The following COL27A1 variants were observed in gnomAD, a reference collection of about 807,000 sequenced individuals.
COL27A1 encodes collagen alpha-1(XXVII) chain.
Under a neutral mutation model 251.3 loss-of-function variants are expected in COL27A1, and 106 were observed. The observed-to-expected ratio is 0.42, with a 90% CI of 0.36 to 0.50. COL27A1 has a LOEUF of 0.50. COL27A1 is among the 20% of genes least tolerant of loss of function. The probability of loss-of-function intolerance (pLI) is 0.00; values close to 1 mark genes in which losing one functional copy is unlikely to be tolerated. For synonymous variants in COL27A1, 1,000 were observed against 986.3 expected, an observed-to-expected ratio of 1.01 and a Z score of -0.26; for missense variants, 2,325 against 2,522.8, an observed-to-expected ratio of 0.92 and a Z score of 1.68.
chr9:114,198,405 A>C (rs1829311396), intron 7 of COL27A1, among the ~76,000 whole-genome samples: 1 of 152,210 alleles, frequency 6.6e-6, no homozygotes, highest in Non-Finnish European at 1.5e-5. Context: ...TGGAGGGTGC[A>C]GTCTACAGCA....
Position 114,168,531 on chromosome 9 carries a change from A to T in COL27A1, c.976A>T (p.Lys326Ter). The T allele has an allele frequency of 6.2e-7, 1 of 1,613,966 alleles. No homozygotes were observed. The highest frequency in any genetic ancestry group is 1.7e-5 in the Admixed American group (1 of 60,022). The change falls in exon 3 of 61, where the codon AAG (lysine) becomes TAG (stop). Residue 326 changes from lysine (K) to a stop codon, truncating the protein, a stop_gained. Coordinates refer to ENST00000356083, the MANE Select transcript of COL27A1 (RefSeq NM_032888.4). LOFTEE classifies it high-confidence loss of function. ...AGCCCAAACCCCGCTGCTACCTGCC[A>T]AGCTGTCAGCCAGTAACGCACTTGA... Reference protein sequence around the residue: ...GPAQTPLLPAKLSASNALDPM... With the variant: ...GPAQTPLLPA
At chr9:114,305,477 G>C (rs1324785213) in intron 57 of COL27A1, among the ~76,000 whole-genome samples, 1 of 152,208 alleles carries the variant, frequency 6.6e-6, no homozygotes, top group East Asian at 1.9e-4. Flanking sequence ...TCCTTAACAT[G>C]ATGAAGGAAA....
chr9:114,194,446 G>C lies in COL27A1; in HGVS notation c.2059G>C (p.Asp687His). The part of the protein sequence containing the change: ...DPGLSPGKAH[D>H]GAKGDMGLPG... ...AGGGCTCTCACCAGGAAAGGCCCAC[G>C]ATGGGGCAAAGGTAGGTTTCCAGGG... Residue 687 changes from aspartate (D) to histidine (H), a missense_variant, in exon 6 of 61, where the codon GAT becomes CAT. Physicochemically the swap from Asp to His is moderately conservative, Grantham distance 81. This residue lies in a region of COL27A1 where 1,183 missense variants were observed against 1,144.1 expected (regional missense o/e 1.03). Coordinates refer to ENST00000356083, the MANE Select transcript of COL27A1 (RefSeq NM_032888.4). The C allele has an allele frequency of 6.2e-7, 1 of 1,612,980 alleles. No individual in the cohort carries two copies. The highest frequency in any genetic ancestry group is 1.3e-5 in the African/African-American group (1 of 75,014).
chr9:114,278,472 G>C (rs1358094480), intron 37 of COL27A1, among the ~76,000 whole-genome samples: 4 of 145,918 alleles, frequency 2.7e-5, no homozygotes, highest in Admixed American at 1.4e-4. Context: ...TGGTGGTGAT[G>C]GTGGTGGTGA....
intron 14 of COL27A1, among the ~76,000 whole-genome samples, chr9:114,227,859 G>A (rs573404340): frequency 2.6e-5 from 4 of 152,272 alleles, no homozygotes; most frequent in East Asian, 1.9e-4. Flanking sequence ...CCTCGAGGGC[G>A]TCTGGTACAC....
chr9:114,246,039 A>G, intron 24 of COL27A1, 129 bp downstream of exon 24: 2 of 753,820 alleles, frequency 2.7e-6, no homozygotes, highest in Admixed American at 2.6e-5. Flanking sequence ...AGGTAGGTTC[A>G]GTCCTCTACC....
At chr9:114,208,530 A>G (rs1242464560) in intron 10 of COL27A1, among the ~76,000 whole-genome samples, 2 of 152,246 alleles carry the variant, frequency 1.3e-5, no homozygotes, top group East Asian at 3.8e-4. Flanking sequence ...GCTTTAATAT[A>G]TGCAAAGCAC....
At chr9:114,210,809 C>A (rs1428181975) in intron 11 of COL27A1, among the ~76,000 whole-genome samples, 173 bp from the exon 12 acceptor site, 2 of 152,266 alleles carry the variant, frequency 1.3e-5, no homozygotes, top group Admixed American at 6.5e-5. Context: ...TCACCACAGA[C>A]CCCGACCCTG....
Position 114,156,096 on chromosome 9 carries a change from C to G in COL27A1, c.62+84C>G. 4.7e-6 allele frequency: 6 copies of G among 1,287,188 alleles called. No homozygotes were observed. In the South Asian group the frequency reaches 1.6e-4, roughly 34 times the overall value. 79.7% of individuals were successfully genotyped at this position (1,287,188 alleles called of 1,614,324 possible). A position where few individuals can be genotyped will look rare whatever the true frequency, so the allele number is the denominator to read the frequency against. ...GGGCCGGGGTTCCCCGCCATGCGGT[C>G]GCTTCCAGCGGAACGTCAGCTTCCT... On this transcript the variant is annotated intron_variant, in intron 1 of 60. Coordinates refer to ENST00000356083, the MANE Select transcript of COL27A1 (RefSeq NM_032888.4).
At chr9:114,237,476 CA>C (rs1357296809) in intron 18 of COL27A1, among the ~76,000 whole-genome samples, 185 bp from the exon 19 acceptor site, 6 of 152,222 alleles carry the variant, frequency 3.9e-5, no homozygotes, top group African/African-American at 1.4e-4. Context: ...GTGACTTGCC[CA>C]GGGTCCCATG....
intron 10 of COL27A1, 155 bp from the exon 11 acceptor site, chr9:114,209,520 C>A: frequency 1.3e-6 from 1 of 791,842 alleles, no homozygotes; most frequent in Non-Finnish European, 2.3e-6. Flanking sequence ...GCCTCAAGGC[C>A]TATGTCATCG....
rs201438078 is a variant in COL27A1 at position 114,283,722 on chromosome 9, G to A, written c.3893G>A (p.Arg1298His). The change falls in exon 40 of 61, where the codon CGC (arginine) becomes CAC (histidine). Residue 1298 changes from arginine to histidine, a missense_variant. Arg to His is a conservative substitution (Grantham distance 29). Around this residue, in one of 4 missense-constraint regions of COL27A1, gnomAD observed 662 missense variants for 795.3 expected, o/e 0.83. Coordinates refer to ENST00000356083, the MANE Select transcript of COL27A1 (RefSeq NM_032888.4). ...CTCCTCTTGTAGGGTGCTCCGGGAC[G>A]CATGGGGGCCCAAGGAGAACCGGGA... ...GSLGPTGAPGRMGAQGEPGLA... is the reference protein window; with the variant it reads ...GSLGPTGAPGHMGAQGEPGLA... The A allele has an allele frequency of 4.3e-6, 7 of 1,614,032 alleles. No homozygotes were observed. The highest frequency in any genetic ancestry group is 1.3e-5 in the African/African-American group (1 of 75,040).
chr9:114,209,152 G>C (rs1418988710), intron 10 of COL27A1, among the ~76,000 whole-genome samples: 7 of 152,212 alleles, frequency 4.6e-5, no homozygotes, highest in African/African-American at 7.2e-5. Context: ...AGAGTCTAAT[G>C]TGGTAGCATG....
intron 3 of COL27A1, among the ~76,000 whole-genome samples, chr9:114,172,632 A>C (rs1170710850): frequency 6.6e-6 from 1 of 152,166 alleles, no homozygotes; most frequent in East Asian, 1.9e-4. Flanking sequence ...TGTCTTTACC[A>C]AAAATACAAG....
chr9:114,221,148 C>T lies in COL27A1; in HGVS notation c.2422-1075C>T, dbSNP rs59192180. On this transcript the variant is annotated intron_variant, in intron 13 of 60. Transcript: ENST00000356083. ...TGAGGAGTTCATGGGCCATTGCCCT[C>T]CTCTGTCACACAACAGGCAGTGGGA... Among the ~76,000 whole-genome samples, 97 of 152,222 alleles carry T rather than the reference C, an allele frequency of 6.4e-4. 1 individual carries two copies. The East Asian group carries it at 0.017, about 27-fold the overall frequency.
chr9:114,243,364 G>T, intron 22 of COL27A1, 143 bp from the exon 23 acceptor site: 1 of 659,890 alleles, frequency 1.5e-6, no homozygotes, highest in South Asian at 1.8e-5. Flanking sequence ...CCACCTGGTG[G>T]ACTCAGGGTT....
chr9:114,212,631 G>A (rs371552653), intron 12 of COL27A1, among the ~76,000 whole-genome samples: 5 of 152,362 alleles, frequency 3.3e-5, no homozygotes, highest in South Asian at 2.1e-4. Flanking sequence ...TGAGGTAAGC[G>A]TGGAAGCTGT....
At chr9:114,195,115 C>T (rs985992619) in intron 6 of COL27A1, among the ~76,000 whole-genome samples, 10 of 152,194 alleles carry the variant, frequency 6.6e-5, no homozygotes, top group Non-Finnish European at 1.0e-4. Flanking sequence ...CACACACACC[C>T]TGGAAGCAAT....
rs1828639532 is a variant in COL27A1 at position 114,301,560 on chromosome 9, A to G, written c.4809+98A>G. The G allele has an allele frequency of 3.9e-6, 6 of 1,541,876 alleles. No homozygotes were observed. In the South Asian group the frequency reaches 4.9e-5, roughly 12 times the overall value. ...CATTCTCTCCCTCCGGACCTCCGTCATCCCGTCTGTGCCAGAGGAACCATT... is the reference window on the plus strand; with the variant it reads ...CATTCTCTCCCTCCGGACCTCCGTCGTCCCGTCTGTGCCAGAGGAACCATT... On this transcript the variant is annotated intron_variant, in intron 54 of 60. Coordinates refer to ENST00000356083, the MANE Select transcript of COL27A1 (RefSeq NM_032888.4).
Sources: gnomAD v4.1 joint callset for allele counts (sites outside exome capture counted in the v4.1 genomes callset) on GRCh38, gnomAD v4.1.1 for gene constraint, gnomAD v4.1.1 regional missense constraint, MANE v1.5 for transcripts, NCBI Gene and HGNC (gene_info 2026-07-23, HGNC 2026-07-21) for gene names.